Variants in PBX1 observed in about 807,000 individuals in gnomAD.
PBX1 encodes PBX homeobox 1.
In PBX1, 6 loss-of-function variants were observed where a neutral mutation model predicts 53.4. That is an observed-to-expected ratio of 0.11 (90% confidence interval 0.06 to 0.22). PBX1 has a LOEUF of 0.22. Ranked by LOEUF, PBX1 falls within the 10% of genes least tolerant of loss-of-function variation. The probability of loss-of-function intolerance (pLI) is 1.00; values close to 1 mark genes in which losing one functional copy is unlikely to be tolerated. For missense variants in PBX1, 251 were observed against 551.4 expected, an observed-to-expected ratio of 0.46 and a Z score of 5.46; for synonymous variants, 204 against 212.3, an observed-to-expected ratio of 0.96 and a Z score of 0.34.
At chr1:164,563,176 G>A (rs1030170445) in intron 1 of PBX1, 62 bp from the exon 2 acceptor site, 26 of 1,103,664 alleles carry the variant, frequency 2.4e-5, no homozygotes, top group South Asian at 6.6e-5. Context: ...TTCACCCTGT[G>A]CATTATCGGC....
At chr1:164,611,932 C>T (rs138540361) in intron 2 of PBX1, among the ~76,000 whole-genome samples, 3 of 152,118 alleles carry the variant, frequency 2.0e-5, no homozygotes, top group Non-Finnish European at 4.4e-5. Context: ...CTCCCAGGGC[C>T]GGTGTTTTGA....
At position 164,850,970 on chromosome 1, in the gene PBX1, G is replaced by T; in HGVS notation, c.*4294G>T. On this transcript the variant is annotated 3_prime_UTR_variant, in exon 9 of 9. Transcript: ENST00000420696. ...AGAGTCCCGCAGGAGATGCTGGTAT[G>T]ATGGGCACCATTGGTTAAGTAAACT... The T allele has an allele frequency of 4.6e-6, 1 of 218,646 alleles. No individual in the cohort carries two copies. Among genetic ancestry groups the T allele is most frequent in the East Asian group, 6.7e-5 (1 of 14,964 alleles). 13.5% of individuals were successfully genotyped at this position (218,646 alleles called of 1,614,324 possible).
intron 2 of PBX1, among the ~76,000 whole-genome samples, chr1:164,883,959 T>C (rs528474136): frequency 6.6e-6 from 1 of 152,340 alleles, no homozygotes; most frequent in African/African-American, 2.4e-5. Context: ...CAGAATGTTC[T>C]TCATTAGCTT....
At chr1:164,877,282 G>A (rs1467983716) in intron 2 of PBX1, among the ~76,000 whole-genome samples, 4 of 151,182 alleles carry the variant, frequency 2.6e-5, no homozygotes, top group Non-Finnish European at 5.9e-5. Flanking sequence ...AACCAAACAA[G>A]CAAAATCCAA....
intron 8 of PBX1, among the ~76,000 whole-genome samples, chr1:164,826,732 G>A (rs1670484262): frequency 6.6e-6 from 1 of 152,104 alleles, no homozygotes; most frequent in Admixed American, 6.6e-5. Flanking sequence ...TAAAATGTGG[G>A]TTATGGGAAT....
At position 164,755,447 on chromosome 1, in the gene PBX1, C is replaced by G. The variant is rs114837137; in HGVS notation, c.266-37047C>G. On this transcript the variant is annotated intron_variant, in intron 2 of 8. Transcript: ENST00000420696. Reference sequence around the variant, plus strand: ...TACAGGCATGAGCCACCGCGCCCAGCCTTTTACTTGTGGTTATTTTTTAAA... The same window carrying G: ...TACAGGCATGAGCCACCGCGCCCAGGCTTTTACTTGTGGTTATTTTTTAAA... Among the ~76,000 whole-genome samples, 880 of 152,232 alleles carry G rather than the reference C, an allele frequency of 5.8e-3. 7 individuals are homozygous for G. Among genetic ancestry groups the G allele is most frequent in the African/African-American group, 0.02 (826 of 41,520 alleles).
At chr1:164,829,039 C>G (rs138833270) in intron 8 of PBX1, 1 of 152,106 alleles carries the variant, frequency 6.6e-6, no homozygotes, top group Non-Finnish European at 1.5e-5. Context: ...ATAAAAATGC[C>G]TTATTCCACA....
chr1:164,806,449 CAGTT>C (rs1669356841), intron 4 of PBX1, among the ~76,000 whole-genome samples: 1 of 152,150 alleles, frequency 6.6e-6, no homozygotes, highest in African/African-American at 2.4e-5. Flanking sequence ...TAATTTCAGT[CAGTT>C]CTGTGCCCTC....
intron 8 of PBX1, among the ~76,000 whole-genome samples, chr1:164,822,289 C>T (rs1302370840): frequency 6.6e-6 from 1 of 152,064 alleles, no homozygotes; most frequent in Non-Finnish European, 1.5e-5. Context: ...TCTGCTTTCT[C>T]AGCAGCGGTG....
At chr1:164,658,114 C>G (rs1660266661) in intron 2 of PBX1, among the ~76,000 whole-genome samples, 1 of 149,532 alleles carries the variant, frequency 6.7e-6, no homozygotes. Flanking sequence ...TCTCTCTTAA[C>G]TCATAATGGC....
At position 164,849,558 on chromosome 1, in the gene PBX1, A is replaced by T; in HGVS notation, c.*2882A>T. On this transcript the variant is annotated 3_prime_UTR_variant, in exon 9 of 9. Transcript: ENST00000420696. ...CCAGGATTTCTTCATTTTCTAATAGATGTGGGAGTGCTCCATTTTCCCCGA... is the reference window on the plus strand; with the variant it reads ...CCAGGATTTCTTCATTTTCTAATAGTTGTGGGAGTGCTCCATTTTCCCCGA... 1 of 1,130,056 alleles carries T rather than the reference A, an allele frequency of 8.8e-7. No individual in the cohort carries two copies. Among genetic ancestry groups the T allele is most frequent in the Admixed American group, 2.6e-5 (1 of 39,124 alleles). The allele number at this position is 1,130,056 out of a possible 1,614,324, so 70.0% of individuals were successfully genotyped here. A position where few individuals can be genotyped will look rare whatever the true frequency, so the allele number is the denominator to read the frequency against.
chr1:164,563,231 C>T lies in PBX1; in HGVS notation c.192-7C>T, dbSNP rs1653190691. 6.2e-7 allele frequency: 1 copy of T among 1,604,470 alleles called. No individual in the cohort carries two copies. Among genetic ancestry groups the T allele is most frequent in the East Asian group, 2.2e-5 (1 of 44,614 alleles). Reference sequence around the variant, plus strand: ...ACCTAAGCTATCATGTTGTTTCTTTCTTGCAGAAAACATGCTTTAAACTGC... The same window carrying T: ...ACCTAAGCTATCATGTTGTTTCTTTTTTGCAGAAAACATGCTTTAAACTGC... On this transcript the variant is annotated splice_region_variant and splice_polypyrimidine_tract_variant and intron_variant, in intron 1 of 8. Transcript: ENST00000420696.
At chr1:164,853,993 C>T (rs896307116), downstream of PBX1, among the ~76,000 whole-genome samples, 4 of 151,254 alleles carry the variant, frequency 2.6e-5, no homozygotes, top group Admixed American at 2.0e-4. Context: ...GCAACCTCCA[C>T]CTCCTGGGTT....
At chr1:164,817,584 TA>T (rs1399506178) in intron 6 of PBX1, 2 of 152,400 alleles carry the variant, frequency 1.3e-5, no homozygotes, top group East Asian at 3.9e-4. Flanking sequence ...ACTGCTCTGA[TA>T]CAAATGCACT....
intron 2 of PBX1, among the ~76,000 whole-genome samples, chr1:164,675,337 GTAT>G (rs929780732): frequency 2.0e-5 from 3 of 152,254 alleles, no homozygotes; most frequent in African/African-American, 7.2e-5. Context: ...CACTTAAGAA[GTAT>G]TATAGGTTGG....
chr1:164,880,977 A>C (rs190021147), intron 2 of PBX1, among the ~76,000 whole-genome samples: 1 of 152,364 alleles, frequency 6.6e-6, no homozygotes, highest in Non-Finnish European at 1.5e-5. Flanking sequence ...TCTGACTAGG[A>C]GCGGGACCTA....
chr1:164,777,059 T>C (rs758808456), intron 2 of PBX1, among the ~76,000 whole-genome samples: 19 of 151,940 alleles, frequency 1.3e-4, no homozygotes, highest in Non-Finnish European at 2.6e-4. Flanking sequence ...TCCCTACATA[T>C]GAACTGAATA....
intron 2 of PBX1, among the ~76,000 whole-genome samples, chr1:164,780,505 T>C (rs557609188): frequency 2.6e-5 from 4 of 152,256 alleles, no homozygotes; most frequent in South Asian, 4.2e-4. Context: ...CAGGTGTTGA[T>C]GAATTGTAAA....
intron 2 of PBX1, among the ~76,000 whole-genome samples, chr1:164,589,276 C>G (rs1340050561): frequency 2.6e-5 from 4 of 152,008 alleles, no homozygotes; most frequent in Non-Finnish European, 5.9e-5. Context: ...GGCACACACA[C>G]AGCATTCCCA....
Sources: allele counts gnomAD v4.1 joint callset (sites outside exome capture counted in the v4.1 genomes callset), GRCh38; gene constraint gnomAD v4.1.1; transcripts MANE v1.5; gene names NCBI Gene and HGNC (gene_info 2026-07-23, HGNC 2026-07-21).